The following SSBP2 variants were observed in gnomAD, a reference collection of about 807,000 sequenced individuals.
SSBP2 encodes the protein single stranded DNA binding protein 2.
Under a neutral mutation model 61.8 loss-of-function variants are expected in SSBP2, and 17 were observed. The observed-to-expected ratio is 0.28, with a 90% confidence interval of 0.19 to 0.41. SSBP2 has a LOEUF of 0.41. SSBP2 is among the 10% of genes least tolerant of loss of function. The pLI, the probability that SSBP2 is intolerant of heterozygous loss-of-function variation, is 1.00. For synonymous variants in SSBP2, 139 were observed against 141.3 expected, an observed-to-expected ratio of 0.98 and a Z score of 0.12; for missense variants, 310 against 458.7, an observed-to-expected ratio of 0.68 and a Z score of 2.96.
intron 4 of SSBP2, among the ~76,000 whole-genome samples, chr5:81,537,003 CAA>C (rs34205177): frequency 2.1e-4 from 30 of 145,600 alleles, no homozygotes; most frequent in Non-Finnish European, 1.8e-4. Context: ...GACTCTGTCT[CAA>C]AAAAAAAAAA....
At chr5:81,742,407 T>TA (rs1757086350) in intron 1 of SSBP2, among the ~76,000 whole-genome samples, 1 of 152,214 alleles carries the variant, frequency 6.6e-6, no homozygotes, top group South Asian at 2.1e-4. Flanking sequence ...GATACGGTGA[T>TA]AGACTATTGT....
intron 1 of SSBP2, among the ~76,000 whole-genome samples, chr5:81,747,286 C>T (rs928379927): frequency 1.3e-5 from 2 of 152,110 alleles, no homozygotes; most frequent in African/African-American, 2.4e-5. Context: ...GCTTCAATCA[C>T]AGGTTCTAAA....
At chr5:81,531,129 T>G (rs975720356) in intron 4 of SSBP2, among the ~76,000 whole-genome samples, 1 of 148,636 alleles carries the variant, frequency 6.7e-6, no homozygotes, top group African/African-American at 2.5e-5. Flanking sequence ...TCCCAGCTAC[T>G]AGGAAGGCTG....
chr5:81,432,843 C>T (rs1156334627), intron 15 of SSBP2, among the ~76,000 whole-genome samples: 2 of 150,194 alleles, frequency 1.3e-5, no homozygotes, highest in African/African-American at 2.5e-5. Context: ...CCGCCCCGTC[C>T]GGGAGGTGAG....
chr5:81,421,304 C>A (rs142733598), intron 16 of SSBP2, among the ~76,000 whole-genome samples: 1 of 152,232 alleles, frequency 6.6e-6, no homozygotes, highest in East Asian at 1.9e-4. Flanking sequence ...GTGATCCCAC[C>A]ACCTCAGCCT....
At chr5:81,614,910 C>T (rs1037669335) in intron 4 of SSBP2, 3 of 152,376 alleles carry the variant, frequency 2.0e-5, no homozygotes, top group African/African-American at 7.3e-5. Flanking sequence ...ACTCCACTGC[C>T]GTTCCTTAAG....
In SSBP2 at chr5:81,455,625, CAAAAAAAAAA is replaced by C. The variant is rs537363119; in HGVS notation, c.687+5420_687+5429del. 1.6e-4 allele frequency among the ~76,000 whole-genome samples: 2 copies of C among 12,578 alleles called. 1 individual carries two copies. Among genetic ancestry groups the C allele is most frequent in the African/African-American group, 3.6e-3 (2 of 562 alleles). 8.3% of individuals were successfully genotyped at this position (12,578 alleles called of 152,430 possible). A position where few individuals can be genotyped will look rare whatever the true frequency, so the allele number is the denominator to read the frequency against. On this transcript the variant is annotated intron_variant, in intron 10 of 16. Transcript: ENST00000320672. ...TGGGCGACAGAGCGAGACTCCGTCT[CAAAAAAAAAA>C]AAAAAAAAAAAAAAAAAAAATCCTC...
chr5:81,604,171 A>G (rs1252321943), intron 4 of SSBP2, among the ~76,000 whole-genome samples: 3 of 152,004 alleles, frequency 2.0e-5, no homozygotes, highest in Non-Finnish European at 2.9e-5. Flanking sequence ...AAAGTTCTTT[A>G]GCAATCTCAT....
intron 3 of SSBP2, among the ~76,000 whole-genome samples, chr5:81,624,828 TGA>T (rs1336227103): frequency 3.9e-5 from 6 of 152,250 alleles, no homozygotes; most frequent in Middle Eastern, 3.4e-3. Context: ...TAAACCTTCA[TGA>T]ATAAAAAATT....
intron 11 of SSBP2, among the ~76,000 whole-genome samples, chr5:81,447,500 G>A (rs993837850): frequency 8.5e-5 from 13 of 152,268 alleles, no homozygotes; most frequent in Middle Eastern, 3.4e-3. Context: ...CTGAAATGGC[G>A]ATTAGGTAAT....
chr5:81,429,628 A>G (rs1189312305), intron 15 of SSBP2, among the ~76,000 whole-genome samples: 1 of 144,930 alleles, frequency 6.9e-6, no homozygotes, highest in Non-Finnish European at 1.5e-5. Flanking sequence ...GGAAGAAATA[A>G]CTTACTTACT....
At chr5:81,560,351 G>C (rs1772948699) in intron 4 of SSBP2, among the ~76,000 whole-genome samples, 1 of 151,970 alleles carries the variant, frequency 6.6e-6, no homozygotes, top group Non-Finnish European at 1.5e-5. Flanking sequence ...GAACAGTCCT[G>C]TGGCTATAAA....
At chr5:81,428,485 A>C in intron 16 of SSBP2, 100 bp downstream of exon 16, 1 of 777,892 alleles carries the variant, frequency 1.3e-6, no homozygotes. Context: ...AACCTGTTGA[A>C]CTCTAGATAA....
chr5:81,717,453 C>G, intron 1 of SSBP2, among the ~76,000 whole-genome samples: 1 of 152,058 alleles, frequency 6.6e-6, no homozygotes, highest in Non-Finnish European at 1.5e-5. Flanking sequence ...GAGTCTCATG[C>G]CTTCTACATG....
intron 4 of SSBP2, among the ~76,000 whole-genome samples, chr5:81,602,877 C>G (rs1242362664): frequency 6.6e-6 from 1 of 152,092 alleles, no homozygotes; most frequent in Non-Finnish European, 1.5e-5. Context: ...CACTAGATAA[C>G]AGAGATCTTC....
At chr5:81,515,766 TTA>T (rs1345386496) in intron 4 of SSBP2, among the ~76,000 whole-genome samples, 1 of 151,796 alleles carries the variant, frequency 6.6e-6, no homozygotes, top group Admixed American at 6.6e-5. Flanking sequence ...AAGTTCTTAA[TTA>T]TATATGTTTC....
At chr5:81,425,353 T>C (rs1189386782) in intron 16 of SSBP2, among the ~76,000 whole-genome samples, 1 of 152,204 alleles carries the variant, frequency 6.6e-6, no homozygotes, top group Non-Finnish European at 1.5e-5. Context: ...TAAATTGAAA[T>C]AAATTTAGTA....
In SSBP2 at chr5:81,656,004, G is replaced by T. The variant is rs182084740; in HGVS notation, c.63-5665C>A. ...ACTTTGCATGATTCTAACAAAAGGG[G>T]TTTTTTTTATTTAAAAATTATACAA... is the stretch of plus-strand genomic sequence containing the variant. On this transcript the variant is annotated intron_variant, in intron 1 of 16. Coordinates refer to ENST00000320672, the MANE Select transcript of SSBP2 (RefSeq NM_012446.5). 6.8e-3 allele frequency among the ~76,000 whole-genome samples: 1,037 copies of T among 151,924 alleles called. 8 individuals carry two copies. The highest frequency in any genetic ancestry group is 9.5e-3 in the Non-Finnish European group (647 of 67,942).
chr5:81,435,959 G>C (rs752782104), intron 15 of SSBP2, among the ~76,000 whole-genome samples: 1 of 151,980 alleles, frequency 6.6e-6, no homozygotes, highest in Admixed American at 6.6e-5. Context: ...AGGCCGAGAC[G>C]GGTAGATCAC....
Sources: gnomAD v4.1 joint callset for allele counts (sites outside exome capture counted in the v4.1 genomes callset) on GRCh38, gnomAD v4.1.1 for gene constraint, MANE v1.5 for transcripts, NCBI Gene and HGNC (gene_info 2026-07-23, HGNC 2026-07-21) for gene names.